The following HEXD variants were observed in gnomAD, a reference collection of about 807,000 sequenced individuals.
HEXD encodes the protein N-acetyl-beta-galactosaminidase.
A neutral mutation model predicts 54.2 loss-of-function variants in HEXD; 47 were observed. That is an observed-to-expected ratio of 0.87 (90% CI 0.69 to 1.11). HEXD has a LOEUF of 1.11. Among genes scored for constraint, HEXD ranks in the 50% least tolerant of loss-of-function variants. The pLI is 0.00. For missense variants in HEXD, 576 were observed against 649.2 expected (o/e 0.89, Z 1.23); for synonymous variants, 293 against 287.6 (o/e 1.02, Z -0.19).
chr17:82,433,531 C>G, intron 4 of HEXD, 127 bp from the exon 5 acceptor site: 1 of 887,696 alleles, frequency 1.1e-6, no homozygotes, highest in Non-Finnish European at 1.6e-6. Flanking sequence ...GATTACAGGA[C>G]TGAGACTCTC....
intron 4 of HEXD, among the ~76,000 whole-genome samples, chr17:82,433,153 ATT>A (rs2053660519): frequency 1.2e-5 from 1 of 81,072 alleles, no homozygotes; most frequent in Admixed American, 1.5e-4. Flanking sequence ...TTATATATAT[ATT>A]TTTAGTCTGG....
Position 82,430,444 on chromosome 17 carries a change from A to T in HEXD, c.282+1799A>T, listed in dbSNP as rs570905489. On this transcript the variant is annotated intron_variant, in intron 4 of 12. Transcript: ENST00000327949. Reference sequence around the variant, plus strand: ...CACTCTGTTTCCCAGGCTGGAGTGTAGTGGTGCAGTCTTGGCTCACTACAA... The same window carrying T: ...CACTCTGTTTCCCAGGCTGGAGTGTTGTGGTGCAGTCTTGGCTCACTACAA... Among the ~76,000 whole-genome samples the T allele has an allele frequency of 1.3e-5, 2 of 152,206 alleles. 1 individual carries two copies. The highest frequency in any genetic ancestry group is 1.3e-4 in the Admixed American group (2 of 15,270).
At position 82,428,517 on chromosome 17, in the gene HEXD, C is replaced by A. The variant is rs919792908; in HGVS notation, c.195-41C>A. Reference sequence around the variant, plus strand: ...GGGGGGTGGGTGTGGAAGTCACGTGCTGCTCACATGACCCTCTCTCTATGA... The same window carrying A: ...GGGGGGTGGGTGTGGAAGTCACGTGATGCTCACATGACCCTCTCTCTATGA... On this transcript the variant is annotated intron_variant, in intron 3 of 12. Coordinates refer to ENST00000327949, the MANE Select transcript of HEXD (RefSeq NM_001330542.2). 3.2e-6 allele frequency: 5 copies of A among 1,557,882 alleles called. No individual in the cohort carries two copies. The South Asian group carries it at 4.4e-5, about 14-fold the overall frequency.
intron 4 of HEXD, among the ~76,000 whole-genome samples, chr17:82,432,297 G>A (rs1420863979): frequency 6.6e-6 from 1 of 152,074 alleles, no homozygotes; most frequent in Non-Finnish European, 1.5e-5. Context: ...TGTTTCCAGG[G>A]TCACCCATTA....
In HEXD at chr17:82,424,296, C is replaced by T. The variant is rs74001687; in HGVS notation, c.85-98C>T. ...AAATAGAAGTAGCAACTCCCACAGT[C>T]TCCACAGGCTGAAAGGGAAGGCGTC... On this transcript the variant is annotated intron_variant, in intron 2 of 12. Transcript: ENST00000327949. 5,116 of 770,434 alleles carry T rather than the reference C, an allele frequency of 6.6e-3. 194 individuals are homozygous for T. The African/African-American group carries it at 0.08, about 12-fold the overall frequency. 47.7% of individuals were successfully genotyped at this position (770,434 alleles called of 1,614,324 possible).
chr17:82,419,551 A>G (rs1275619601), intron 1 of HEXD, among the ~76,000 whole-genome samples, 198 bp from the exon 2 acceptor site: 1 of 152,234 alleles, frequency 6.6e-6, no homozygotes, highest in Non-Finnish European at 1.5e-5. Context: ...TGTTTTAGCA[A>G]CAAATCACAC....
At chr17:82,433,130 T>TA (rs2053656125) in intron 4 of HEXD, among the ~76,000 whole-genome samples, 3 of 20,054 alleles carry the variant, frequency 1.5e-4, no homozygotes, top group African/African-American at 3.1e-4. Flanking sequence ...ATATATATAT[T>TA]TTTTTTTTTT....
chr17:82,425,127 CAGAGAAGGCT>C (rs2053368324), intron 3 of HEXD, among the ~76,000 whole-genome samples: 1 of 76,212 alleles, frequency 1.3e-5, no homozygotes, highest in African/African-American at 5.8e-5. Context: ...TGGAGGAGGC[CAGAGAAGGCT>C]GGAGAAGGCT....
chr17:82,431,776 A>G (rs1262919008), intron 4 of HEXD, among the ~76,000 whole-genome samples: 1 of 152,100 alleles, frequency 6.6e-6, no homozygotes, highest in Admixed American at 6.6e-5. Flanking sequence ...TAAATTCTGC[A>G]TGTGGGCCCT....
At chr17:82,431,578 T>C (rs1038492375) in intron 4 of HEXD, among the ~76,000 whole-genome samples, 8 of 152,038 alleles carry the variant, frequency 5.3e-5, no homozygotes. Flanking sequence ...CACACCCAGC[T>C]AATTTTTGTC....
chr17:82,435,706 G>T lies in HEXD; in HGVS notation c.465G>T (p.Glu155Asp), dbSNP rs555715895. The change falls in exon 6 of 13, where the codon GAG (glutamate) becomes GAT (aspartate). Residue 155 changes from glutamate to aspartate, a missense_variant. Glu to Asp is a conservative substitution (Grantham distance 45). Coordinates refer to ENST00000327949, the MANE Select transcript of HEXD (RefSeq NM_001330542.2). Reference protein sequence around the residue: ...IGCDEVYYLGEGEASRRWLQQ... With the variant: ...IGCDEVYYLGDGEASRRWLQQ... ...CCTTGCAGGTCTATTACCTCGGAGA[G>T]GGGGAGGCCTCGCGCCGGTGGCTAC... The T allele has an allele frequency of 3.1e-6, 5 of 1,612,418 alleles. No homozygotes were observed. Among genetic ancestry groups the T allele is most frequent in the Non-Finnish European group, 3.4e-6 (4 of 1,179,462 alleles).
At chr17:82,435,546 T>G (rs1599745651) in intron 5 of HEXD, 143 bp from the exon 6 acceptor site, 3 of 684,786 alleles carry the variant, frequency 4.4e-6, no homozygotes, top group Non-Finnish European at 4.9e-6. Context: ...ACGCTGGGGG[T>G]GGTAAGCAAA....
intron 4 of HEXD, among the ~76,000 whole-genome samples, chr17:82,433,129 T>TATATATATA (rs1555617733): frequency 1.3e-3 from 11 of 8,442 alleles, no homozygotes; most frequent in South Asian, 4.3e-3. Context: ...TATATATATA[T>TATATATATA]TTTTTTTTTT....
intron 4 of HEXD, among the ~76,000 whole-genome samples, chr17:82,432,793 G>A (rs1043460400): frequency 3.3e-5 from 5 of 151,856 alleles, no homozygotes; most frequent in Admixed American, 6.6e-5. Flanking sequence ...GCTGGGTGCA[G>A]TGGCTCACGC....
intron 8 of HEXD, among the ~76,000 whole-genome samples, chr17:82,437,925 C>A (rs2053819029): frequency 6.6e-6 from 1 of 152,038 alleles, no homozygotes; most frequent in Admixed American, 6.6e-5. Flanking sequence ...GTGGGTGGGC[C>A]AATAGTGTGA....
intron 8 of HEXD, among the ~76,000 whole-genome samples, chr17:82,438,259 C>T (rs567227714): frequency 1.3e-5 from 2 of 152,188 alleles, no homozygotes; most frequent in East Asian, 1.9e-4. Context: ...ATGTATTACT[C>T]TATGATTTAA....
chr17:82,425,770 C>G (rs1368340589), intron 3 of HEXD: 1 of 152,224 alleles, frequency 6.6e-6, no homozygotes, highest in Non-Finnish European at 1.5e-5. Context: ...GAGTTTGAGA[C>G]CAGCCTGGGT....
chr17:82,440,155 G>A (rs1241184828), intron 9 of HEXD: 1 of 1,292,164 alleles, frequency 7.7e-7, no homozygotes. Context: ...GGCAGGGGCA[G>A]GCACCGGGGA....
At chr17:82,440,067 G>A (rs1011272527) in intron 9 of HEXD, 30 of 1,298,066 alleles carry the variant, frequency 2.3e-5, no homozygotes, top group Middle Eastern at 2.1e-4. Context: ...GGGCTCAGGC[G>A]CCCGGCCCTG....
Sources: gnomAD v4.1 joint callset for allele counts (sites outside exome capture counted in the v4.1 genomes callset) on GRCh38, gnomAD v4.1.1 for gene constraint, MANE v1.5 for transcripts, NCBI Gene and HGNC (gene_info 2026-07-23, HGNC 2026-07-21) for gene names.